The following DCHS2 variants were observed in gnomAD, a reference collection of about 807,000 sequenced individuals.
DCHS2 encodes protocadherin-23.
DCHS2 carries 142 observed loss-of-function variants against 182.4 expected under a neutral mutation model. The observed-to-expected ratio is 0.78, with a 90% CI of 0.68 to 0.89. The LOEUF (loss-of-function observed/expected upper bound fraction) is 0.89, where lower values mean the gene tolerates loss of function less well. Among genes scored for constraint, DCHS2 ranks in the 40% least tolerant of loss-of-function variants. The probability of loss-of-function intolerance (pLI) is 0.00; values close to 1 mark genes in which losing one functional copy is unlikely to be tolerated. For synonymous variants in DCHS2, 1,740 were observed against 1,663.3 expected, an observed-to-expected ratio of 1.05 and a Z score of -1.12; for missense variants, 4,319 against 4,198.6, an observed-to-expected ratio of 1.03 and a Z score of -0.79.
intron 1 of DCHS2, among the ~76,000 whole-genome samples, chr4:154,472,505 C>T (rs988774305): frequency 1.3e-5 from 2 of 152,154 alleles, no homozygotes; most frequent in Non-Finnish European, 2.9e-5. Flanking sequence ...TTTTTGTCAA[C>T]ATATTAGAAA....
chr4:154,243,536 C>T (rs1560978486), intron 16 of DCHS2, among the ~76,000 whole-genome samples: 1 of 152,116 alleles, frequency 6.6e-6, no homozygotes, highest in African/African-American at 2.4e-5. Context: ...GGATTAGTGT[C>T]CCCAGCCATT....
chr4:154,254,119 G>C (rs1414556359), intron 16 of DCHS2, among the ~76,000 whole-genome samples: 1 of 152,154 alleles, frequency 6.6e-6, no homozygotes, highest in African/African-American at 2.4e-5. Flanking sequence ...ATCCTCAGGA[G>C]GTGCTTGCGA....
chr4:154,252,477 C>T (rs981585238), intron 16 of DCHS2, among the ~76,000 whole-genome samples: 2 of 152,048 alleles, frequency 1.3e-5, no homozygotes, highest in African/African-American at 4.8e-5. Flanking sequence ...CACTTGCCCT[C>T]AATCCTCCCT....
chr4:154,287,101 T>G (rs974281410), intron 13 of DCHS2, among the ~76,000 whole-genome samples: 1 of 152,140 alleles, frequency 6.6e-6, no homozygotes, highest in Non-Finnish European at 1.5e-5. Flanking sequence ...AATACCATAC[T>G]CAGTGAAAAT....
rs1560790055 is a variant in DCHS2 at position 154,490,324 on chromosome 4, ACC to A, written c.1030_1031del (p.Gly344Ter). The A allele has an allele frequency of 6.5e-7, 1 of 1,543,688 alleles. No homozygotes were observed. Among genetic ancestry groups the A allele is most frequent in the East Asian group, 2.4e-5 (1 of 40,826 alleles). On this transcript the variant is annotated frameshift_variant, in exon 1 of 20. Transcript: ENST00000357232. LOFTEE classifies it high-confidence loss of function. ...CGTCGCCCAGTGCCCCGCCGCCGCT[ACC>A]CGCCCCAGGCACTTGCCGGGCGCGG... ...SVRARQVPGA[G>X]SGGGALGDAA...
At chr4:154,370,558 C>G (rs1459787794) in intron 2 of DCHS2, among the ~76,000 whole-genome samples, 1 of 152,068 alleles carries the variant, frequency 6.6e-6, no homozygotes, top group African/African-American at 2.4e-5. Context: ...AAGAGAAAAT[C>G]ATTATAGAAA....
Position 154,242,781 on chromosome 4 carries a change from GA to G in DCHS2, c.6942-10del. 1.9e-6 allele frequency: 3 copies of G among 1,592,930 alleles called. No individual in the cohort carries two copies. Among genetic ancestry groups the G allele is most frequent in the African/African-American group, 1.4e-5 (1 of 73,604 alleles). ...TGGCTTGGACAATCAAGCTGGTTTG[GA>G]AAAAGAATCAAAGAATGTGATTCAT... is the stretch of plus-strand genomic sequence containing the variant. On this transcript the variant is annotated splice_polypyrimidine_tract_variant and intron_variant, in intron 16 of 19. Transcript: ENST00000357232.
At chr4:154,460,975 G>T (rs971004471) in intron 1 of DCHS2, among the ~76,000 whole-genome samples, 8 of 152,048 alleles carry the variant, frequency 5.3e-5, no homozygotes, top group African/African-American at 1.9e-4. Context: ...CCCAAAATGG[G>T]CTTCCAGACC....
chr4:154,456,906 G>A (rs532565963), intron 1 of DCHS2, among the ~76,000 whole-genome samples: 42 of 152,038 alleles, frequency 2.8e-4, no homozygotes, highest in African/African-American at 9.9e-4. Flanking sequence ...ACTTTTTTGC[G>A]TTGTGATTTT....
At chr4:154,357,722 C>T (rs560168605) in intron 3 of DCHS2, among the ~76,000 whole-genome samples, 8 of 152,140 alleles carry the variant, frequency 5.3e-5, no homozygotes, top group Non-Finnish European at 8.8e-5. Context: ...ATGCCACTGG[C>T]CCCAGATGGT....
At chr4:154,482,901 T>C (rs1408340485) in intron 1 of DCHS2, among the ~76,000 whole-genome samples, 1 of 152,228 alleles carries the variant, frequency 6.6e-6, no homozygotes, top group African/African-American at 2.4e-5. Flanking sequence ...CATAGTTACC[T>C]GTAAAGAGTA....
At chr4:154,287,480 G>A (rs1422258850) in intron 13 of DCHS2, among the ~76,000 whole-genome samples, 1 of 152,092 alleles carries the variant, frequency 6.6e-6, no homozygotes, top group African/African-American at 2.4e-5. Flanking sequence ...TTAAGGTATA[G>A]TCTTCTTTAA....
rs1247520406 is a variant in DCHS2 at position 154,298,456 on chromosome 4, AG to A, written c.5857del (p.Val1954CysfsTer11). On this transcript the variant is annotated frameshift_variant, in exon 13 of 20. Transcript: ENST00000357232. LOFTEE classifies it high-confidence loss of function. ...REDAEVGTVVLVLSAVDKDEG... is the reference protein window; with the variant it reads ...REDAEVGTVVXVLSAVDKDEG... ...ATCCTTGTCCACAGCTGAAAGCACAAGAACCACTGTTCCCACTTCAGCATCT... is the reference window on the plus strand; with the variant it reads ...ATCCTTGTCCACAGCTGAAAGCACAAAACCACTGTTCCCACTTCAGCATCT... The A allele has an allele frequency of 8.7e-6, 14 of 1,614,076 alleles. No homozygotes were observed. Among genetic ancestry groups the A allele is most frequent in the Non-Finnish European group, 1.1e-5 (13 of 1,180,018 alleles).
intron 1 of DCHS2, among the ~76,000 whole-genome samples, chr4:154,473,606 C>T (rs1329742958): frequency 6.6e-6 from 1 of 152,080 alleles, no homozygotes; most frequent in African/African-American, 2.4e-5. Flanking sequence ...TTTGACCCTT[C>T]CGGGATGAAG....
chr4:154,289,195 C>T (rs745358142), intron 13 of DCHS2, among the ~76,000 whole-genome samples: 3 of 152,004 alleles, frequency 2.0e-5, no homozygotes, highest in Non-Finnish European at 2.9e-5. Flanking sequence ...AACCTTTAGC[C>T]AGACTCAGAA....
At chr4:154,305,069 T>C (rs1735389272) in intron 11 of DCHS2, 28 bp downstream of exon 11, 2 of 1,562,944 alleles carry the variant, frequency 1.3e-6, no homozygotes, top group Non-Finnish European at 1.7e-6. Context: ...TAATTTTTAT[T>C]TTTTAGCCTA....
chr4:154,279,810 A>G (rs1561007431), intron 13 of DCHS2, among the ~76,000 whole-genome samples: 1 of 151,970 alleles, frequency 6.6e-6, no homozygotes, highest in African/African-American at 2.4e-5. Context: ...TAACATTACA[A>G]CACAAGGAAC....
intron 1 of DCHS2, among the ~76,000 whole-genome samples, chr4:154,392,583 T>A (rs1731757257): frequency 6.6e-6 from 1 of 152,182 alleles, no homozygotes; most frequent in Non-Finnish European, 1.5e-5. Flanking sequence ...ATAGTCACAA[T>A]GGGCAAATAT....
At chr4:154,425,214 C>T (rs1410916148) in intron 1 of DCHS2, among the ~76,000 whole-genome samples, 1 of 152,154 alleles carries the variant, frequency 6.6e-6, no homozygotes, top group East Asian at 1.9e-4. Flanking sequence ...AAAGGATGAA[C>T]TTCTTTTCAA....
Sources: allele counts gnomAD v4.1 joint callset (sites outside exome capture counted in the v4.1 genomes callset), GRCh38; gene constraint gnomAD v4.1.1; transcripts MANE v1.5; gene names NCBI Gene and HGNC (gene_info 2026-07-23, HGNC 2026-07-21).